TRHDE: variants seen among roughly 807,000 people sequenced by gnomAD.
The protein encoded by TRHDE is thyrotropin releasing hormone degrading enzyme.
In TRHDE, 72 loss-of-function variants were observed where a neutral mutation model predicts 125.7. The ratio of observed to expected loss-of-function variants is 0.57; its 90% CI spans 0.47 to 0.70. The LOEUF is 0.70. Ranked by LOEUF, TRHDE falls within the 30% of genes least tolerant of loss-of-function variation. The pLI is 0.00. For synonymous variants in TRHDE, 509 were observed against 509.1 expected, an observed-to-expected ratio of 1.00 and a Z score of 0.00; for missense variants, 1,110 against 1,327.1, an observed-to-expected ratio of 0.84 and a Z score of 2.54.
intron 2 of TRHDE, among the ~76,000 whole-genome samples, chr12:72,194,204 G>A (rs1198128451): frequency 4.6e-5 from 7 of 152,010 alleles, no homozygotes; most frequent in Non-Finnish European, 7.4e-5. Flanking sequence ...AAAAGTAAAT[G>A]TATAAATACC....
chr12:72,609,412 A>T (rs999115141), intron 12 of TRHDE, among the ~76,000 whole-genome samples: 2 of 152,188 alleles, frequency 1.3e-5, no homozygotes, highest in East Asian at 3.9e-4. Context: ...CATGCAAAAA[A>T]TTTTTTGAGT....
intron 2 of TRHDE, among the ~76,000 whole-genome samples, chr12:72,309,108 C>T (rs771862944): frequency 9.2e-5 from 14 of 152,252 alleles, no homozygotes; most frequent in South Asian, 2.1e-4. Flanking sequence ...CAGTTTCCAT[C>T]GCCCCCAGAA....
At chr12:72,395,181 C>T (rs557638219) in intron 3 of TRHDE, among the ~76,000 whole-genome samples, 8 of 152,248 alleles carry the variant, frequency 5.3e-5, no homozygotes, top group Admixed American at 4.6e-4. Flanking sequence ...CTTTGACCAA[C>T]GTCTTCCCAA....
At chr12:72,346,963 G>C (rs945293520) in intron 2 of TRHDE, among the ~76,000 whole-genome samples, 2 of 151,994 alleles carry the variant, frequency 1.3e-5, no homozygotes, top group Admixed American at 1.3e-4. Context: ...TTGGTGTAAG[G>C]CAGGATAACT....
At chr12:72,478,196 T>C (rs1362286322) in intron 5 of TRHDE, among the ~76,000 whole-genome samples, 1 of 152,178 alleles carries the variant, frequency 6.6e-6, no homozygotes, top group Non-Finnish European at 1.5e-5. Flanking sequence ...TGATACCCAG[T>C]GAATGTGAGA....
At chr12:72,637,834 T>C (rs1220544951) in intron 15 of TRHDE, among the ~76,000 whole-genome samples, 1 of 151,508 alleles carries the variant, frequency 6.6e-6, no homozygotes, top group Non-Finnish European at 1.5e-5. Flanking sequence ...TTCTTAATCC[T>C]GAGTTCTAGT....
In TRHDE at chr12:72,380,752, T is replaced by A. The variant is rs1483126567; in HGVS notation, c.1315+2631T>A. On this transcript the variant is annotated intron_variant, in intron 3 of 18. Transcript: ENST00000261180. Reference sequence around the variant, plus strand: ...CTTCCTTGCTTCCTTCCTTCCTTCCTTCCTTCCTTCCTTGCTTCCTTCCTT... The same window carrying A: ...CTTCCTTGCTTCCTTCCTTCCTTCCATCCTTCCTTCCTTGCTTCCTTCCTT... 7.4e-4 allele frequency among the ~76,000 whole-genome samples: 71 copies of A among 96,482 alleles called. 1 individual carries two copies. The highest frequency in any genetic ancestry group is 4.3e-3 in the African/African-American group (68 of 15,814). The allele number at this position is 96,482 out of a possible 152,430, so 63.3% of individuals were successfully genotyped here.
intron 15 of TRHDE, among the ~76,000 whole-genome samples, chr12:72,631,355 C>T (rs538150784): frequency 1.7e-4 from 26 of 151,890 alleles, no homozygotes; most frequent in African/African-American, 6.0e-4. Flanking sequence ...ATGCCATCCT[C>T]CTTTTTGCCA....
intron 2 of TRHDE, among the ~76,000 whole-genome samples, chr12:72,130,248 A>G (rs946798411): frequency 6.6e-6 from 1 of 152,222 alleles, no homozygotes; most frequent in Non-Finnish European, 1.5e-5. Context: ...GGTTGCAGTG[A>G]GCCAAGATCA....
intron 2 of TRHDE, among the ~76,000 whole-genome samples, chr12:72,296,057 C>T (rs1011302496): frequency 2.0e-5 from 3 of 152,134 alleles, no homozygotes; most frequent in African/African-American, 7.2e-5. Context: ...GCTTTCTTGC[C>T]AGCTCCTTTA....
rs1014911535 is a variant in TRHDE, at chr12:72,152,206, T to C, written n.279+46454T>C. Among the ~76,000 whole-genome samples the C allele has an allele frequency of 1.3e-3, 203 of 150,982 alleles. 2 individuals carry two copies. The highest frequency in any genetic ancestry group is 2.6e-3 in the Non-Finnish European group (175 of 67,648). On this transcript the variant is annotated intron_variant and non_coding_transcript_variant, in intron 2 of 4. Transcript: ENST00000548156. Reference sequence around the variant, plus strand: ...GATTTGGCTCTCTGTTTGTCTGTTATTGGTGTATAAGAATGCTTGTGATTT... The same window carrying C: ...GATTTGGCTCTCTGTTTGTCTGTTACTGGTGTATAAGAATGCTTGTGATTT...
chr12:72,473,046 C>T (rs774805972), intron 4 of TRHDE, 21 bp from the exon 5 acceptor site: 14 of 1,546,498 alleles, frequency 9.1e-6, no homozygotes, highest in Admixed American at 3.4e-5. Flanking sequence ...TATTTGATGA[C>T]CATTAATTTT....
At chr12:72,545,289 A>G (rs914509931) in intron 7 of TRHDE, among the ~76,000 whole-genome samples, 6 of 151,506 alleles carry the variant, frequency 4.0e-5, no homozygotes, top group African/African-American at 7.3e-5. Context: ...TTTGAGAAAC[A>G]TGAGGCAATA....
chr12:72,354,141 A>G (rs1334941394), intron 2 of TRHDE, among the ~76,000 whole-genome samples: 1 of 151,678 alleles, frequency 6.6e-6, no homozygotes, highest in East Asian at 1.9e-4. Context: ...ATAGATCTCA[A>G]AATTAGTCAA....
intron 1 of TRHDE, among the ~76,000 whole-genome samples, chr12:72,275,514 G>C (rs1029445743): frequency 3.3e-5 from 5 of 152,096 alleles, no homozygotes; most frequent in African/African-American, 9.7e-5. Flanking sequence ...TGTCAAATAC[G>C]GGGGAAAGGC....
intron 6 of TRHDE, among the ~76,000 whole-genome samples, chr12:72,512,588 CATATATAATCATATATATAATT>C (rs1330923730): frequency 2.2e-5 from 3 of 136,006 alleles, no homozygotes; most frequent in African/African-American, 5.5e-5. Context: ...ATATAATAAT[CATATATAATCATATATATAATT>C]ATATATAATC....
chr12:72,591,113 T>G (rs1188190445), intron 12 of TRHDE, among the ~76,000 whole-genome samples: 2 of 152,142 alleles, frequency 1.3e-5, no homozygotes, highest in African/African-American at 4.8e-5. Flanking sequence ...CTGCTCTTTT[T>G]AAAACCATTA....
At chr12:72,591,900 T>A (rs1468349111) in intron 12 of TRHDE, among the ~76,000 whole-genome samples, 1 of 152,062 alleles carries the variant, frequency 6.6e-6, no homozygotes, top group Non-Finnish European at 1.5e-5. Flanking sequence ...ATTTTTTTCC[T>A]CCTGTATTCA....
At chr12:72,363,450 G>T (rs1871206979) in intron 2 of TRHDE, among the ~76,000 whole-genome samples, 1 of 151,932 alleles carries the variant, frequency 6.6e-6, no homozygotes, top group Non-Finnish European at 1.5e-5. Flanking sequence ...TCCCTGGGAT[G>T]CAAGGCTGGT....
Sources: gnomAD v4.1 joint callset for allele counts (sites outside exome capture counted in the v4.1 genomes callset) on GRCh38, gnomAD v4.1.1 for gene constraint, MANE v1.5 for transcripts, NCBI Gene and HGNC (gene_info 2026-07-23, HGNC 2026-07-21) for gene names.